The following DNAH6 variants were observed in gnomAD, a reference collection of about 807,000 sequenced individuals.
The protein encoded by DNAH6 is axonemal beta dynein heavy chain 6.
A neutral mutation model predicts 491.4 loss-of-function variants in DNAH6; 340 were observed. The ratio of observed to expected loss-of-function variants is 0.69; its 90% CI spans 0.63 to 0.76. DNAH6 has a LOEUF of 0.76. Among genes scored for constraint, DNAH6 ranks in the 30% least tolerant of loss-of-function variants. The pLI, the probability that DNAH6 is intolerant of heterozygous loss-of-function variation, is 0.00. For missense variants in DNAH6, 4,443 were observed against 4,972.2 expected (o/e 0.89, Z 3.20); for synonymous variants, 1,603 against 1,686.1 (o/e 0.95, Z 1.21).
chr2:84,510,517 G>A, the DNAH6 span, among the ~76,000 whole-genome samples: 5 of 152,096 alleles, frequency 3.3e-5, no homozygotes, highest in East Asian at 1.9e-4. Context: ...CCATGGGTTC[G>A]AACTTCCTCC....
At chr2:84,697,445 C>A in intron 46 of DNAH6, 130 bp from the exon 47 acceptor site, 1 of 1,000,850 alleles carries the variant, frequency 1.0e-6, no homozygotes, top group Non-Finnish European at 1.4e-6. Flanking sequence ...CTTCAGGGTT[C>A]CATGAAATTT....
intron 14 of DNAH6, among the ~76,000 whole-genome samples, chr2:84,582,903 C>T (rs1057019751): frequency 6.6e-6 from 1 of 152,238 alleles, no homozygotes; most frequent in African/African-American, 2.4e-5. Flanking sequence ...AGTCCTAACT[C>T]TTCCTGTGTT....
In DNAH6 at chr2:84,761,180, G is replaced by A. The variant is rs535802561; in HGVS notation, c.10513-1575G>A. Among the ~76,000 whole-genome samples, 26 of 152,222 alleles carry A rather than the reference G, an allele frequency of 1.7e-4. No homozygotes were observed. The East Asian group carries it at 3.7e-3, about 21-fold the overall frequency. On this transcript the variant is annotated intron_variant, in intron 63 of 76. Coordinates refer to ENST00000389394, the MANE Select transcript of DNAH6 (RefSeq NM_001370.2). ...TCATGTCTCTTGCAGCAACGTAGAT[G>A]GCACTGGAGACCACTGTCTTAATTG... is the stretch of plus-strand genomic sequence containing the variant.
chr2:84,616,802 G>A (rs1037444969), intron 22 of DNAH6, 84 bp from the exon 23 acceptor site: 1 of 595,618 alleles, frequency 1.7e-6, no homozygotes, highest in African/African-American at 2.0e-5. Flanking sequence ...TTCATAAATT[G>A]ATTACATTTT....
At chr2:84,472,246 C>T in the DNAH6 span, among the ~76,000 whole-genome samples, 1 of 151,730 alleles carries the variant, frequency 6.6e-6, no homozygotes, top group South Asian at 2.1e-4. Context: ...ATGATTAGCT[C>T]TTTCCACTAT....
chr2:84,461,582 G>A, the DNAH6 span, among the ~76,000 whole-genome samples: 3 of 152,158 alleles, frequency 2.0e-5, no homozygotes, highest in African/African-American at 4.8e-5. Context: ...TTACTGAGAT[G>A]GGTATGAAAC....
At position 84,619,831 on chromosome 2, in the gene DNAH6, C is replaced by G. The variant is rs1472880675; in HGVS notation, c.3719C>G (p.Pro1240Arg). Reference sequence around the variant, plus strand: ...ATGCCTCCTGCCGAAGGAAAGATTCCTGGTATTGATGGAGAACCAGAAAAG... The same window carrying G: ...ATGCCTCCTGCCGAAGGAAAGATTCGTGGTATTGATGGAGAACCAGAAAAG... ...ALMPPAEGKI[P>R]GIDGEPEKVY... The change falls in exon 24 of 77, where the codon CCT becomes CGT. Residue 1240 changes from proline (P) to arginine (R), a missense_variant. Physicochemically the swap from Pro to Arg is moderately radical, Grantham distance 103. This residue lies in a region of DNAH6 where 2,977 missense variants were observed against 3,296.6 expected (regional missense o/e 0.90). Transcript: ENST00000389394. 1 of 1,551,444 alleles carries G rather than the reference C, an allele frequency of 6.4e-7. No individual in the cohort carries two copies. The highest frequency in any genetic ancestry group is 2.0e-5 in the Admixed American group (1 of 50,976).
intron 51 of DNAH6, among the ~76,000 whole-genome samples, chr2:84,704,519 T>A (rs1352800465): frequency 6.6e-6 from 1 of 152,230 alleles, no homozygotes; most frequent in Non-Finnish European, 1.5e-5. Flanking sequence ...CACAGGCTAG[T>A]GGGAAGACAG....
chr2:84,612,028 A>C (rs955477367), intron 22 of DNAH6, among the ~76,000 whole-genome samples, 174 bp downstream of exon 22: 8 of 152,124 alleles, frequency 5.3e-5, no homozygotes, highest in Admixed American at 5.2e-4. Context: ...CTTGCTAAGC[A>C]ATGTCAACGG....
At chr2:84,461,558 G>A in the DNAH6 span, among the ~76,000 whole-genome samples, 2 of 152,040 alleles carry the variant, frequency 1.3e-5, no homozygotes, top group African/African-American at 4.8e-5. Flanking sequence ...ATGACCTCTG[G>A]GTTTCAGGTT....
At chr2:84,518,327 G>GTA (rs1444600365) in intron 2 of DNAH6, among the ~76,000 whole-genome samples, 1 of 152,158 alleles carries the variant, frequency 6.6e-6, no homozygotes, top group Non-Finnish European at 1.5e-5. Context: ...ACTTAACTAT[G>GTA]TATGCTATTA....
chr2:84,588,714 CAAAA>C (rs1461074586), intron 15 of DNAH6, 108 bp from the exon 16 acceptor site: 2 of 1,051,666 alleles, frequency 1.9e-6, no homozygotes, highest in Non-Finnish European at 2.6e-6. Context: ...TTCTAAAAAT[CAAAA>C]AGAAAAGAGA....
chr2:84,583,800 C>T (rs1432621781), intron 14 of DNAH6, among the ~76,000 whole-genome samples, 199 bp from the exon 15 acceptor site: 1 of 152,002 alleles, frequency 6.6e-6, no homozygotes, highest in Admixed American at 6.5e-5. Flanking sequence ...ACTGTGAGTC[C>T]TCCCCAGCCA....
At chr2:84,698,058 G>T (rs1016020240) in intron 47 of DNAH6, among the ~76,000 whole-genome samples, 7 of 152,098 alleles carry the variant, frequency 4.6e-5, no homozygotes, top group African/African-American at 1.7e-4. Context: ...TGAAGGCATA[G>T]GTCCAGCATT....
intron 56 of DNAH6, among the ~76,000 whole-genome samples, chr2:84,711,986 GT>G (rs1255604611): frequency 1.3e-5 from 2 of 152,242 alleles, no homozygotes; most frequent in Admixed American, 6.5e-5. Context: ...ACAGAAGAGT[GT>G]TTTAACTGTA....
In DNAH6 at chr2:84,704,277, G is replaced by A. The variant is rs1696218348; in HGVS notation, c.8440G>A (p.Ala2814Thr). 2 of 1,551,482 alleles carry A rather than the reference G, an allele frequency of 1.3e-6. No individual in the cohort carries two copies. The highest frequency in any genetic ancestry group is 1.7e-4 in the Middle Eastern group (1 of 5,992). ...PPDLVMTVME[A>T]ISILLNAKPD... is the part of the protein sequence containing the mutation. The stretch of plus-strand genomic sequence containing the variant: ...AGATTTGGTCATGACAGTAATGGAA[G>A]CAATCTCCATTCTTTTGAATGCCAA... Residue 2814 changes from alanine (A) to threonine (T), a missense_variant, in exon 51 of 77, where the codon GCA becomes ACA. By Grantham distance (58) the Ala-to-Thr change is moderately conservative. This residue lies in a region of DNAH6 where 1,463 missense variants were observed against 1,656.6 expected (regional missense o/e 0.88). Transcript: ENST00000389394.
At chr2:84,559,697 T>TA (rs1680449039) in intron 11 of DNAH6, among the ~76,000 whole-genome samples, 1 of 151,868 alleles carries the variant, frequency 6.6e-6, no homozygotes, top group South Asian at 2.1e-4. Context: ...CTAAAGAAAT[T>TA]AAAAAAATTA....
At chr2:84,640,375 A>G in intron 31 of DNAH6, 55 bp from the exon 32 acceptor site, 4 of 1,127,816 alleles carry the variant, frequency 3.5e-6, no homozygotes, top group Non-Finnish European at 3.8e-6. Context: ...GTATCATGCT[A>G]ATACATTGTT....
At chr2:84,487,874 A>G in the DNAH6 span, among the ~76,000 whole-genome samples, 6 of 152,164 alleles carry the variant, frequency 3.9e-5, no homozygotes, top group South Asian at 2.1e-4. Context: ...GTCCCTGTCT[A>G]TGGGGATAAC....
Sources: allele counts gnomAD v4.1 joint callset (sites outside exome capture counted in the v4.1 genomes callset), GRCh38; gene constraint gnomAD v4.1.1; regional missense constraint gnomAD v4.1.1; transcripts MANE v1.5; gene names NCBI Gene and HGNC (gene_info 2026-07-23, HGNC 2026-07-21).